CADPS: variants seen among roughly 807,000 people sequenced by gnomAD.
The protein encoded by CADPS is calcium dependent secretion activator, also known as calcium-dependent secretion activator 1.
A neutral mutation model predicts 167.3 loss-of-function variants in CADPS; 57 were observed. That is an observed-to-expected ratio of 0.34 (90% CI 0.28 to 0.42). The LOEUF is 0.42. Among genes scored for constraint, CADPS ranks in the 20% least tolerant of loss-of-function variants. The probability of loss-of-function intolerance (pLI) is 1.00; values close to 1 mark genes in which losing one functional copy is unlikely to be tolerated. For synonymous variants in CADPS, 676 were observed against 635.3 expected, an observed-to-expected ratio of 1.06 and a Z score of -0.96; for missense variants, 1,414 against 1,738.1, an observed-to-expected ratio of 0.81 and a Z score of 3.32.
intron 6 of CADPS, among the ~76,000 whole-genome samples, chr3:62,594,164 T>C (rs1005539378): frequency 9.0e-6 from 1 of 110,598 alleles, no homozygotes; most frequent in African/African-American, 2.6e-5. Flanking sequence ...TTTTTTTATT[T>C]ATTTATTTAT....
At chr3:62,599,711 A>AATATAATATATATATAGT (rs2059494122) in intron 6 of CADPS, among the ~76,000 whole-genome samples, 1 of 41,372 alleles carries the variant, frequency 2.4e-5, no homozygotes, top group African/African-American at 1.3e-4. Flanking sequence ...TATATTATAT[A>AATATAATATATATATAGT]ATATATAATA....
At chr3:62,862,273 G>A (rs961553317) in intron 1 of CADPS, among the ~76,000 whole-genome samples, 4 of 146,130 alleles carry the variant, frequency 2.7e-5, no homozygotes, top group African/African-American at 1.0e-4. Context: ...CTGGGGTGCT[G>A]TGATGCTATC....
intron 6 of CADPS, among the ~76,000 whole-genome samples, chr3:62,607,885 A>G (rs1194200711): frequency 6.6e-6 from 1 of 152,196 alleles, no homozygotes; most frequent in Non-Finnish European, 1.5e-5. Flanking sequence ...AATGCCAGGA[A>G]TCTCAAAAGG....
intron 6 of CADPS, among the ~76,000 whole-genome samples, chr3:62,633,365 T>C (rs961702927): frequency 1.2e-4 from 18 of 152,156 alleles, no homozygotes; most frequent in African/African-American, 4.3e-4. Context: ...GCAGCCACAC[T>C]GATCTGTTAA....
intron 1 of CADPS, among the ~76,000 whole-genome samples, chr3:62,808,660 G>C (rs1576689868): frequency 6.6e-6 from 1 of 152,036 alleles, no homozygotes; most frequent in East Asian, 1.9e-4. Context: ...GGAGTGCCAG[G>C]GCCCTGTCCT....
At chr3:62,504,370 A>G (rs2066266176) in intron 17 of CADPS, among the ~76,000 whole-genome samples, 1 of 152,236 alleles carries the variant, frequency 6.6e-6, no homozygotes, top group South Asian at 2.1e-4. Context: ...ATTTCTGGTA[A>G]TCCATCCTCA....
At chr3:62,542,143 C>G (rs1050180813) in intron 11 of CADPS, among the ~76,000 whole-genome samples, 12 of 152,128 alleles carry the variant, frequency 7.9e-5, no homozygotes, top group African/African-American at 2.9e-4. Context: ...AGAGGCTCTT[C>G]TCTCTCATGA....
At chr3:62,839,758 G>T (rs1192320824) in intron 1 of CADPS, among the ~76,000 whole-genome samples, 9 of 152,192 alleles carry the variant, frequency 5.9e-5, no homozygotes, top group Admixed American at 5.2e-4. Flanking sequence ...CAGGGCCAAA[G>T]CATCAACTGG....
chr3:62,736,953 A>G (rs1575646977), intron 3 of CADPS, among the ~76,000 whole-genome samples: 1 of 151,258 alleles, frequency 6.6e-6, no homozygotes, highest in African/African-American at 2.4e-5. Flanking sequence ...CGTGGCCAAC[A>G]TGATGAAACC....
intron 6 of CADPS, among the ~76,000 whole-genome samples, chr3:62,637,982 T>C (rs954850258): frequency 2.6e-5 from 4 of 151,942 alleles, no homozygotes; most frequent in African/African-American, 9.7e-5. Context: ...GCCACCTTGT[T>C]TTCCCCCATG....
At chr3:62,819,423 T>A (rs978900091) in intron 1 of CADPS, among the ~76,000 whole-genome samples, 1 of 151,518 alleles carries the variant, frequency 6.6e-6, no homozygotes, top group Non-Finnish European at 1.5e-5. Context: ...TGTGTGTGTG[T>A]GTGTGTGTGT....
At chr3:62,832,297 C>T (rs1325491443) in intron 1 of CADPS, among the ~76,000 whole-genome samples, 1 of 152,190 alleles carries the variant, frequency 6.6e-6, no homozygotes, top group Non-Finnish European at 1.5e-5. Context: ...CCATGCAAAT[C>T]TCTTTGAGAA....
intron 28 of CADPS, among the ~76,000 whole-genome samples, chr3:62,436,340 G>T (rs933861256): frequency 1.3e-5 from 2 of 151,950 alleles, no homozygotes; most frequent in African/African-American, 4.8e-5. Flanking sequence ...GTACACACGG[G>T]CCACATAAAA....
At chr3:62,691,174 AGT>A (rs1352397282) in intron 3 of CADPS, among the ~76,000 whole-genome samples, 2 of 151,966 alleles carry the variant, frequency 1.3e-5, no homozygotes, top group African/African-American at 4.8e-5. Flanking sequence ...AGGGGGAGGG[AGT>A]GATGAAAAGG....
At chr3:62,404,538 T>C (rs1273444046) in intron 28 of CADPS, 1 of 152,180 alleles carries the variant, frequency 6.6e-6, no homozygotes, top group Non-Finnish European at 1.5e-5. Context: ...AACGACACAG[T>C]CTCAGCCATG....
intron 1 of CADPS, among the ~76,000 whole-genome samples, chr3:62,859,485 A>G (rs546290944): frequency 2.0e-5 from 3 of 152,276 alleles, no homozygotes; most frequent in African/African-American, 7.2e-5. Context: ...TTTGGACTAA[A>G]TGGCAAATCT....
intron 3 of CADPS, among the ~76,000 whole-genome samples, chr3:62,720,321 TTTTG>T (rs922664448): frequency 6.1e-5 from 9 of 146,596 alleles, no homozygotes; most frequent in African/African-American, 1.1e-4. Context: ...GCATTTTTGC[TTTTG>T]TTTGTTTGTT....
chr3:62,491,558 A>AAAC lies in CADPS; in HGVS notation c.2885-79_2885-78insGTT, dbSNP rs2063724030. 7.2e-3 allele frequency: 3,771 copies of AAAC among 526,488 alleles called. 94 individuals carry two copies. Among genetic ancestry groups the AAAC allele is most frequent in the African/African-American group, 0.067 (3,080 of 46,014 alleles). The allele number at this position is 526,488 out of a possible 1,614,324, so 32.6% of individuals were successfully genotyped here. A position where few individuals can be genotyped will look rare whatever the true frequency, so the allele number is the denominator to read the frequency against. ...TACAACACACACACACACACACACA[A>AAAC]ACACACACACACACACACACACACA... On this transcript the variant is annotated intron_variant, in intron 20 of 29. Coordinates refer to ENST00000383710, the MANE Select transcript of CADPS (RefSeq NM_003716.4).
intron 21 of CADPS, among the ~76,000 whole-genome samples, chr3:62,490,704 A>C (rs1307960677): frequency 6.6e-6 from 1 of 152,224 alleles, no homozygotes; most frequent in Non-Finnish European, 1.5e-5. Context: ...TCAGTGGGGT[A>C]GGTATTGTTT....
Sources: gnomAD v4.1 joint callset for allele counts (sites outside exome capture counted in the v4.1 genomes callset) on GRCh38, gnomAD v4.1.1 for gene constraint, MANE v1.5 for transcripts, NCBI Gene and HGNC (gene_info 2026-07-23, HGNC 2026-07-21) for gene names.